The following KCNMB2 variants were observed in gnomAD, a reference collection of about 807,000 sequenced individuals.
The protein encoded by KCNMB2 is calcium-activated potassium channel subunit beta-2.
A neutral mutation model predicts 24.5 loss-of-function variants in KCNMB2; 9 were observed. That is an observed-to-expected ratio of 0.37 (90% CI 0.22 to 0.64). The LOEUF is 0.64. Among genes scored for constraint, KCNMB2 ranks in the 30% least tolerant of loss-of-function variants. KCNMB2 has a pLI of 0.63. For missense variants in KCNMB2, 226 were observed against 284.3 expected, an observed-to-expected ratio of 0.79 and a Z score of 1.47; for synonymous variants, 109 against 104.4, an observed-to-expected ratio of 1.04 and a Z score of -0.27.
chr3:178,783,606 T>A (rs1712965836), intron 1 of KCNMB2, among the ~76,000 whole-genome samples: 1 of 146,434 alleles, frequency 6.8e-6, no homozygotes, highest in African/African-American at 2.6e-5. Flanking sequence ...CTGTTGTTGG[T>A]GTATAAGAAC....
chr3:178,613,184 G>A (rs1396958224), intron 1 of KCNMB2, among the ~76,000 whole-genome samples: 1 of 152,120 alleles, frequency 6.6e-6, no homozygotes, highest in Non-Finnish European at 1.5e-5. Flanking sequence ...TATTACATGA[G>A]GTCAAGAGTT....
intron 1 of KCNMB2, among the ~76,000 whole-genome samples, chr3:178,686,530 A>G (rs564926541): frequency 4.6e-5 from 7 of 152,188 alleles, no homozygotes; most frequent in Non-Finnish European, 1.0e-4. Context: ...GCTTCGGGCC[A>G]GAAAAATTCT....
intron 1 of KCNMB2, among the ~76,000 whole-genome samples, chr3:178,626,904 T>C (rs1399724007): frequency 2.0e-5 from 3 of 148,766 alleles, no homozygotes; most frequent in Non-Finnish European, 3.0e-5. Context: ...ATAGTAAGTA[T>C]ATATATAAGT....
At chr3:178,738,769 T>C (rs572057480) in intron 1 of KCNMB2, among the ~76,000 whole-genome samples, 19 of 152,272 alleles carry the variant, frequency 1.2e-4, no homozygotes, top group African/African-American at 4.6e-4. Flanking sequence ...CACAGTACTT[T>C]TCCTTCACTG....
intron 1 of KCNMB2, among the ~76,000 whole-genome samples, chr3:178,621,656 T>C (rs1332483911): frequency 6.6e-6 from 1 of 152,188 alleles, no homozygotes; most frequent in Non-Finnish European, 1.5e-5. Flanking sequence ...AGCTAAAAAA[T>C]AATATTTACT....
At chr3:178,681,356 G>A (rs1262366477) in intron 1 of KCNMB2, among the ~76,000 whole-genome samples, 4 of 152,284 alleles carry the variant, frequency 2.6e-5, no homozygotes, top group African/African-American at 9.6e-5. Flanking sequence ...TCACATTCAG[G>A]TGCTTTTGGG....
At chr3:178,744,061 C>A (rs1559998714) in intron 1 of KCNMB2, among the ~76,000 whole-genome samples, 1 of 152,110 alleles carries the variant, frequency 6.6e-6, no homozygotes, top group African/African-American at 2.4e-5. Flanking sequence ...GAAGTTAAAT[C>A]TTTTTTTAAC....
At position 178,801,954 on chromosome 3, in the gene KCNMB2, T is replaced by G. The variant is rs1304162896; in HGVS notation, c.-67-5389T>G. ...CAGTGCCTGGAATGTAAGAGGCACT[T>G]AATAAATGTTTGGCAAATGAATGAA... is the stretch of plus-strand genomic sequence containing the variant. On this transcript the variant is annotated intron_variant, in intron 1 of 4. Transcript: ENST00000452583. 11 of 152,176 alleles carry G rather than the reference T, an allele frequency of 7.2e-5. No homozygotes were observed. In the East Asian group the frequency reaches 2.1e-3, roughly 29 times the overall value. 9.4% of individuals were successfully genotyped at this position (152,176 alleles called of 1,614,324 possible).
At chr3:178,544,844 C>T (rs1406618285) in intron 1 of KCNMB2, among the ~76,000 whole-genome samples, 2 of 152,148 alleles carry the variant, frequency 1.3e-5, no homozygotes, top group Non-Finnish European at 2.9e-5. Flanking sequence ...AGGTTGCAAA[C>T]TCATTGAAAG....
chr3:178,810,884 G>A lies in KCNMB2; in HGVS notation c.56+3419G>A, dbSNP rs191436049. ...CAAGTAGCTGGGACTACAGGCGCCC[G>A]CCACCACACCTGGCTAACTTTTTTT... On this transcript the variant is annotated intron_variant, in intron 2 of 4. Coordinates refer to ENST00000452583, the MANE Select transcript of KCNMB2 (RefSeq NM_181361.3). 1.9e-3 allele frequency among the ~76,000 whole-genome samples: 279 copies of A among 146,656 alleles called. 6 individuals carry two copies. The East Asian group carries it at 0.045, about 24-fold the overall frequency.
chr3:178,560,042 T>C (rs911386252), intron 1 of KCNMB2, among the ~76,000 whole-genome samples: 10 of 147,904 alleles, frequency 6.8e-5, no homozygotes, highest in African/African-American at 2.0e-4. Flanking sequence ...TATACATATC[T>C]TTTTTATTAA....
chr3:178,758,001 AGATATATATATATATATAT>A lies in KCNMB2; in HGVS notation c.-67-49341_-67-49323del, dbSNP rs1724223181. ...CACAAGAGGATATATATATATATCTAGATATATATATATATATATCTAGAGGATATATATATATATCTAG... is the reference window on the plus strand; with the variant it reads ...CACAAGAGGATATATATATATATCTACTAGAGGATATATATATATATCTAG... On this transcript the variant is annotated intron_variant, in intron 1 of 4. Coordinates refer to ENST00000452583, the MANE Select transcript of KCNMB2 (RefSeq NM_181361.3). Among the ~76,000 whole-genome samples, 7 of 1,278 alleles carry A rather than the reference AGATATATATATATATATAT, an allele frequency of 5.5e-3. 2 individuals carry two copies. Among genetic ancestry groups the A allele is most frequent in the African/African-American group, 9.3e-3 (7 of 754 alleles). 0.8% of individuals were successfully genotyped at this position (1,278 alleles called of 152,430 possible).
At chr3:178,758,058 AT>A (rs1553774527) in intron 1 of KCNMB2, among the ~76,000 whole-genome samples, 6 of 49,018 alleles carry the variant, frequency 1.2e-4, no homozygotes, top group South Asian at 6.9e-4. Context: ...ATATATATAT[AT>A]CTCCAAGAGG....
At chr3:178,566,915 A>G (rs1222328792) in intron 1 of KCNMB2, among the ~76,000 whole-genome samples, 5 of 152,246 alleles carry the variant, frequency 3.3e-5, no homozygotes, top group Admixed American at 3.3e-4. Context: ...TGATGTTGGC[A>G]TAATTGAGAA....
intron 1 of KCNMB2, among the ~76,000 whole-genome samples, chr3:178,581,027 C>A (rs1717181561): frequency 6.6e-6 from 1 of 152,118 alleles, no homozygotes; most frequent in Admixed American, 6.6e-5. Flanking sequence ...CCTTAAAGTT[C>A]ATATGGAATC....
At chr3:178,661,286 CT>C (rs1406231408) in intron 1 of KCNMB2, among the ~76,000 whole-genome samples, 1 of 152,058 alleles carries the variant, frequency 6.6e-6, no homozygotes, top group Non-Finnish European at 1.5e-5. Context: ...TGGTTTCCAG[CT>C]TTATCCATGT....
At chr3:178,610,581 T>G (rs896647588) in intron 1 of KCNMB2, among the ~76,000 whole-genome samples, 7 of 152,242 alleles carry the variant, frequency 4.6e-5, no homozygotes, top group African/African-American at 1.7e-4. Flanking sequence ...GAAATACTAC[T>G]GATTTCTGTA....
At chr3:178,712,224 C>G (rs1158057296) in intron 1 of KCNMB2, among the ~76,000 whole-genome samples, 2 of 152,110 alleles carry the variant, frequency 1.3e-5, no homozygotes, top group Admixed American at 1.3e-4. Context: ...ACTAGGGGGC[C>G]TAACCACCTA....
At chr3:178,830,413 T>A (rs1413689842) in intron 4 of KCNMB2, among the ~76,000 whole-genome samples, 1 of 152,174 alleles carries the variant, frequency 6.6e-6, no homozygotes, top group Non-Finnish European at 1.5e-5. Flanking sequence ...AATTCTACCA[T>A]GAATATTCTC....
Sources: gnomAD v4.1 joint callset for allele counts (sites outside exome capture counted in the v4.1 genomes callset) on GRCh38, gnomAD v4.1.1 for gene constraint, MANE v1.5 for transcripts, NCBI Gene and HGNC (gene_info 2026-07-23, HGNC 2026-07-21) for gene names.